The following PRR5L variants were observed in gnomAD, a reference collection of about 807,000 sequenced individuals.
PRR5L encodes the protein proline-rich protein 5-like.
A neutral mutation model predicts 36.4 loss-of-function variants in PRR5L; 21 were observed. The ratio of observed to expected loss-of-function variants is 0.58; its 90% CI spans 0.41 to 0.83. The LOEUF is 0.83. Among genes scored for constraint, PRR5L ranks in the 40% least tolerant of loss-of-function variants. The pLI is 0.00. For synonymous variants in PRR5L, 188 were observed against 197.0 expected (o/e 0.95, Z 0.38); for missense variants, 381 against 473.3 (o/e 0.80, Z 1.81).
intron 1 of PRR5L, among the ~76,000 whole-genome samples, chr11:36,311,516 T>TA (rs1334693421): frequency 2.0e-5 from 3 of 152,152 alleles, no homozygotes; most frequent in East Asian, 3.9e-4. Flanking sequence ...GAAGTTATAA[T>TA]AAAAAAATTG....
chr11:36,364,949 G>A (rs1349629119), intron 1 of PRR5L, among the ~76,000 whole-genome samples: 1 of 152,154 alleles, frequency 6.6e-6, no homozygotes, highest in African/African-American at 2.4e-5. Context: ...AGTGGAGGAG[G>A]CACTGTGTGA....
At chr11:36,397,010 C>A (rs1480597016) in intron 1 of PRR5L, among the ~76,000 whole-genome samples, 1 of 151,848 alleles carries the variant, frequency 6.6e-6, no homozygotes, top group East Asian at 1.9e-4. Context: ...CTGCCACACA[C>A]TAGCTGTGTG....
At chr11:36,317,677 A>G (rs1276904606) in intron 1 of PRR5L, among the ~76,000 whole-genome samples, 1 of 152,172 alleles carries the variant, frequency 6.6e-6, no homozygotes, top group Non-Finnish European at 1.5e-5. Flanking sequence ...GTTTTTCAAA[A>G]TGGCTATACC....
chr11:36,315,883 A>G (rs567144244), intron 1 of PRR5L, among the ~76,000 whole-genome samples: 3 of 152,334 alleles, frequency 2.0e-5, no homozygotes, highest in African/African-American at 7.2e-5. Context: ...CCCTTCTAGG[A>G]TTAGCTACCT....
intron 3 of PRR5L, among the ~76,000 whole-genome samples, chr11:36,406,454 A>G (rs1211176601): frequency 6.6e-6 from 1 of 152,182 alleles, no homozygotes; most frequent in Non-Finnish European, 1.5e-5. Context: ...CACATCAGAG[A>G]CACAGAATAT....
In PRR5L at chr11:36,351,274, A is replaced by T. The variant is rs371131734; in HGVS notation, c.-125-49723A>T. ...TTTATATATGTATATTTATATATTT[A>T]TATATATGTATATTTATATATTTAT... is the stretch of plus-strand genomic sequence containing the variant. On this transcript the variant is annotated intron_variant, in intron 1 of 8. Transcript: ENST00000530639. Among the ~76,000 whole-genome samples the T allele has an allele frequency of 3.9e-3, 308 of 79,260 alleles. 19 individuals are homozygous for T. The highest frequency in any genetic ancestry group is 0.012 in the African/African-American group (225 of 19,018). The allele number at this position is 79,260 out of a possible 152,430, so 52.0% of individuals were successfully genotyped here. A position where few individuals can be genotyped will look rare whatever the true frequency, so the allele number is the denominator to read the frequency against.
At chr11:36,338,796 G>A (rs751239153) in intron 1 of PRR5L, among the ~76,000 whole-genome samples, 6 of 152,008 alleles carry the variant, frequency 3.9e-5, no homozygotes, top group Non-Finnish European at 7.4e-5. Context: ...GCGTGATCTT[G>A]GCTCACTGCG....
intron 1 of PRR5L, among the ~76,000 whole-genome samples, chr11:36,327,226 G>A (rs1290476948): frequency 2.0e-5 from 3 of 152,176 alleles, no homozygotes; most frequent in African/African-American, 4.8e-5. Context: ...GAACTGAATG[G>A]ACCTCTCCTC....
intron 1 of PRR5L, among the ~76,000 whole-genome samples, chr11:36,375,721 A>G (rs1857247843): frequency 6.6e-6 from 1 of 152,208 alleles, no homozygotes; most frequent in African/African-American, 2.4e-5. Flanking sequence ...AGTTTTCAAA[A>G]TAATTATGCA....
At chr11:36,384,704 A>G (rs1220642011) in intron 1 of PRR5L, among the ~76,000 whole-genome samples, 2 of 149,838 alleles carry the variant, frequency 1.3e-5, no homozygotes, top group African/African-American at 4.9e-5. Context: ...ATAGTGTCTC[A>G]CTTTGTCACA....
intron 1 of PRR5L, among the ~76,000 whole-genome samples, chr11:36,348,179 G>T (rs1396265681): frequency 6.6e-6 from 1 of 152,030 alleles, no homozygotes; most frequent in African/African-American, 2.4e-5. Flanking sequence ...TGACATGCTG[G>T]TCCCCTTAAC....
At chr11:36,318,089 G>A (rs1437425031) in intron 1 of PRR5L, among the ~76,000 whole-genome samples, 1 of 152,114 alleles carries the variant, frequency 6.6e-6, no homozygotes, top group African/African-American at 2.4e-5. Context: ...TTACCATTGT[G>A]TTACAATTGC....
At chr11:36,408,093 G>A (rs1029536683) in intron 3 of PRR5L, among the ~76,000 whole-genome samples, 2 of 152,208 alleles carry the variant, frequency 1.3e-5, no homozygotes, top group African/African-American at 4.8e-5. Flanking sequence ...GGCCAGCATG[G>A]CAAAACCCTG....
chr11:36,364,557 T>C (rs1231357934), intron 1 of PRR5L, among the ~76,000 whole-genome samples: 4 of 152,210 alleles, frequency 2.6e-5, no homozygotes, highest in African/African-American at 9.6e-5. Context: ...GTTCTTAGAA[T>C]AGTGCCTGGT....
chr11:36,437,589 TG>T (rs1321575420), intron 6 of PRR5L, 113 bp downstream of exon 6: 2 of 655,958 alleles, frequency 3.0e-6, no homozygotes, highest in Non-Finnish European at 5.4e-6. Context: ...ATTGGGCGCT[TG>T]TATTGGTTAA....
chr11:36,376,763 C>G, intron 1 of PRR5L: 1 of 972,082 alleles, frequency 1.0e-6, no homozygotes, highest in Non-Finnish European at 1.2e-6. Context: ...TCAGCAACCG[C>G]GCAGGATTGA....
At chr11:36,323,798 T>C (rs747445414) in intron 1 of PRR5L, among the ~76,000 whole-genome samples, 1 of 152,190 alleles carries the variant, frequency 6.6e-6, no homozygotes, top group Non-Finnish European at 1.5e-5. Flanking sequence ...TGCAGAAAGA[T>C]TGCTTCAGTT....
At chr11:36,332,499 ATT>A (rs1293888212) in intron 1 of PRR5L, among the ~76,000 whole-genome samples, 1 of 152,082 alleles carries the variant, frequency 6.6e-6, no homozygotes, top group East Asian at 1.9e-4. Context: ...TCCTTACCTA[ATT>A]TATCATGGAA....
rs757022808 is a variant in PRR5L, at chr11:36,437,421, A to G, written c.389A>G (p.Asp130Gly). 2 of 1,613,102 alleles carry G rather than the reference A, an allele frequency of 1.2e-6. No individual in the cohort carries two copies. Among genetic ancestry groups the G allele is most frequent in the African/African-American group, 2.7e-5 (2 of 74,838 alleles). Residue 130 changes from aspartate to glycine, a missense_variant, in exon 6 of 9, where the codon GAC becomes GGC. Physicochemically the swap from Asp to Gly is moderately conservative, Grantham distance 94. Coordinates refer to ENST00000530639, the MANE Select transcript of PRR5L (RefSeq NM_001160167.2). ...ATTGAGGTTCTGGCTGAAGTCTGGG[A>G]CCACTTCTTCACTGAGACTCTCCCT... ...NRIEVLAEVW[D>G]HFFTETLPTL... is the part of the protein sequence containing the mutation.
Sources: allele counts gnomAD v4.1 joint callset (sites outside exome capture counted in the v4.1 genomes callset), GRCh38; gene constraint gnomAD v4.1.1; transcripts MANE v1.5; gene names NCBI Gene and HGNC (gene_info 2026-07-23, HGNC 2026-07-21).